FRMPD1: variants seen among roughly 807,000 people sequenced by gnomAD.
FRMPD1 encodes the protein FERM and PDZ domain containing 1.
FRMPD1 carries 76 observed loss-of-function variants against 117.8 expected under a neutral mutation model. The ratio of observed to expected loss-of-function variants is 0.65; its 90% confidence interval spans 0.54 to 0.78. The LOEUF (loss-of-function observed/expected upper bound fraction) is 0.78. Ranked by LOEUF, FRMPD1 falls within the 30% of genes least tolerant of loss-of-function variation. FRMPD1 has a pLI of 0.00. For missense variants in FRMPD1, 1,786 were observed against 1,964.5 expected, an observed-to-expected ratio of 0.91 and a Z score of 1.72; for synonymous variants, 783 against 770.4, an observed-to-expected ratio of 1.02 and a Z score of -0.27.
the FRMPD1 span, among the ~76,000 whole-genome samples, chr9:37,635,602 G>T: frequency 6.6e-6 from 1 of 152,218 alleles, no homozygotes; most frequent in Non-Finnish European, 1.5e-5. Context: ...GCAGCCCAGG[G>T]ACTTAAATAC....
intron 5 of FRMPD1, among the ~76,000 whole-genome samples, chr9:37,712,245 C>T (rs1357160995): frequency 6.6e-6 from 1 of 152,152 alleles, no homozygotes; most frequent in African/African-American, 2.4e-5. Context: ...AAAAACCATT[C>T]AGCCATTTGG....
At chr9:37,684,790 G>C (rs1166702704) in intron 1 of FRMPD1, among the ~76,000 whole-genome samples, 3 of 152,144 alleles carry the variant, frequency 2.0e-5, no homozygotes, top group South Asian at 2.1e-4. Flanking sequence ...GTCTTACTCT[G>C]TCACCCAGGC....
At chr9:37,637,220 A>T in the FRMPD1 span, 316,648 of 1,608,626 alleles carry the variant, frequency 0.2, 36,625 homozygotes, top group East Asian at 0.61. Context: ...AAACCGCAGG[A>T]GCAGGCATGA....
At chr9:37,690,054 A>C (rs1822079947) in intron 1 of FRMPD1, among the ~76,000 whole-genome samples, 1 of 152,086 alleles carries the variant, frequency 6.6e-6, no homozygotes, top group South Asian at 2.1e-4. Flanking sequence ...TAAGTTCTTC[A>C]AGAAATTTTT....
At position 37,729,820 on chromosome 9, in the gene FRMPD1, G is replaced by A. The variant is rs146537184; in HGVS notation, c.705G>A (p.Leu235=). Residue 235 remains leucine (L), a synonymous_variant, in exon 8 of 16, where the codon CTG becomes CTA. Transcript: ENST00000377765. ...AAGAGCAGTACAGCATCTCCCGGCT[G>A]CACCTGCTGCACGAAGAGGAACTCA... The part of the protein sequence containing the change: ...ALEEQYSISR[L]HLLHEEELIQ... 5.6e-5 allele frequency: 91 copies of A among 1,613,766 alleles called. No homozygotes were observed. In the African/African-American group the frequency reaches 1.0e-3, roughly 18 times the overall value.
chr9:37,659,336 G>A (rs1207709912), intron 1 of FRMPD1, among the ~76,000 whole-genome samples: 2 of 152,074 alleles, frequency 1.3e-5, no homozygotes, highest in African/African-American at 2.4e-5. Context: ...TCAGCATCCT[G>A]GCTGCTGCTC....
the FRMPD1 span, among the ~76,000 whole-genome samples, chr9:37,616,668 T>C: frequency 0.027 from 4,160 of 152,268 alleles, 90 homozygotes; most frequent in Non-Finnish European, 0.036. Flanking sequence ...AGAAGTCAGA[T>C]TTGAGGCTTA....
rs773578821 is a variant in FRMPD1 at position 37,708,410 on chromosome 9, C to A, written c.271C>A (p.His91Asn). The change falls in exon 4 of 16, where the codon CAC becomes AAC. Residue 91 changes from histidine to asparagine, a missense_variant. Physicochemically the swap from His to Asn is moderately conservative, Grantham distance 68. Transcript: ENST00000377765. ...TTTCTGTCCAACAGGAGGCTCTGCT[C>A]ACGGCAAGCTTTTCCCTGGTGATCA... Reference protein sequence around the residue: ...VVAVTAGGSAHGKLFPGDQIL... With the variant: ...VVAVTAGGSANGKLFPGDQIL... The A allele has an allele frequency of 3.1e-6, 5 of 1,609,306 alleles. No individual in the cohort carries two copies. Among genetic ancestry groups the A allele is most frequent in the Non-Finnish European group, 4.3e-6 (5 of 1,175,684 alleles).
chr9:37,631,902 G>A, the FRMPD1 span, among the ~76,000 whole-genome samples: 1 of 152,136 alleles, frequency 6.6e-6, no homozygotes, highest in Admixed American at 6.5e-5. Flanking sequence ...ACTGTGCCTG[G>A]CCTCCATGTT....
rs751367857 is a variant in FRMPD1 at position 37,745,068 on chromosome 9, C to T, written c.3036C>T (p.Ser1012=). ...CAACCATAGAGCATGGAGACAGCTC[C>T]TTCTCCCTCTCCAGTGGTGACCCTA... ...KEPTIEHGDS[S]FSLSSGDPNP... Residue 1012 remains serine, a synonymous_variant, in exon 16 of 16, where the codon TCC becomes TCT. Coordinates refer to ENST00000377765, the MANE Select transcript of FRMPD1 (RefSeq NM_014907.3). The T allele has an allele frequency of 6.2e-7, 1 of 1,614,056 alleles. No homozygotes were observed. Among genetic ancestry groups the T allele is most frequent in the South Asian group, 1.1e-5 (1 of 91,084 alleles).
chr9:37,685,524 C>T (rs866268238), intron 1 of FRMPD1, among the ~76,000 whole-genome samples: 119 of 151,670 alleles, frequency 7.8e-4, no homozygotes, highest in African/African-American at 2.3e-3. Flanking sequence ...TGGTGGCGGG[C>T]GCCTGTAGTC....
At chr9:37,675,613 G>A (rs1821502546) in intron 1 of FRMPD1, among the ~76,000 whole-genome samples, 1 of 152,110 alleles carries the variant, frequency 6.6e-6, no homozygotes, top group Non-Finnish European at 1.5e-5. Context: ...GGGGAGAGTA[G>A]GGTGTTTAAT....
Position 37,740,359 on chromosome 9 carries a change from G to A in FRMPD1, c.1831G>A (p.Ala611Thr), listed in dbSNP as rs760852978. The A allele has an allele frequency of 2.1e-5, 34 of 1,613,566 alleles. No individual in the cohort carries two copies. Among genetic ancestry groups the A allele is most frequent in the African/African-American group, 1.3e-4 (10 of 74,926 alleles). Residue 611 changes from alanine (A) to threonine (T), a missense_variant, in exon 15 of 16, where the codon GCT becomes ACT. Coordinates refer to ENST00000377765, the MANE Select transcript of FRMPD1 (RefSeq NM_014907.3). This position sits in a 1 kb window ranked among gnomAD's most constrained non-coding sequence, Gnocchi z 4.2. ...RTSGSSESMD[A>T]LEEDDLDTCS... ...CAGTGGCTCGAGTGAGTCCATGGAC[G>A]CTCTGGAAGAGGATGACTTAGACAC...
In FRMPD1 at chr9:37,731,026, A is replaced by G. The variant is rs1249914413; in HGVS notation, c.781A>G (p.Arg261Gly). Reference sequence around the variant, plus strand: ...GTCACATGACTACCGCTGCCTCTTCAGGGTCTGTTTTGTTCCCAAGGACCC... The same window carrying G: ...GTCACATGACTACCGCTGCCTCTTCGGGGTCTGTTTTGTTCCCAAGGACCC... ...EESHDYRCLFRVCFVPKDPLD... is the reference protein window; with the variant it reads ...EESHDYRCLFGVCFVPKDPLD... Residue 261 changes from arginine to glycine, a missense_variant, in exon 9 of 16, where the codon AGG becomes GGG. Physicochemically the swap from Arg to Gly is moderately radical, Grantham distance 125. Transcript: ENST00000377765. The G allele has an allele frequency of 1.2e-6, 2 of 1,613,658 alleles. No homozygotes were observed. The highest frequency in any genetic ancestry group is 1.7e-5 in the Admixed American group (1 of 60,000).
chr9:37,618,276 T>A, the FRMPD1 span, among the ~76,000 whole-genome samples: 1 of 152,128 alleles, frequency 6.6e-6, no homozygotes, highest in African/African-American at 2.4e-5. Flanking sequence ...TTTAATACAG[T>A]TCAATCTCAC....
chr9:37,712,639 A>C (rs1822952762), intron 5 of FRMPD1, among the ~76,000 whole-genome samples: 2 of 152,232 alleles, frequency 1.3e-5, no homozygotes, highest in Admixed American at 1.3e-4. Context: ...TACAGGCGTC[A>C]TCCACCATGC....
At position 37,746,284 on chromosome 9, in the gene FRMPD1, AC is replaced by A. The variant is rs747152508; in HGVS notation, c.4256del (p.Pro1419LeufsTer18). 1.9e-6 allele frequency: 3 copies of A among 1,612,580 alleles called. No homozygotes were observed. Among genetic ancestry groups the A allele is most frequent in the African/African-American group, 2.7e-5 (2 of 74,910 alleles). The part of the protein sequence containing the change: ...LRQLKATPAS[T>X]PEGFIQLMES... ...ACAGCTGAAAGCCACCCCTGCCAGC[AC>A]CCCTGAGGGCTTCATCCAACTCATG... On this transcript the variant is annotated frameshift_variant, in exon 16 of 16. Coordinates refer to ENST00000377765, the MANE Select transcript of FRMPD1 (RefSeq NM_014907.3). LOFTEE classifies it high-confidence loss of function.
At chr9:37,715,860 C>T (rs1056533396) in intron 5 of FRMPD1, among the ~76,000 whole-genome samples, 6 of 152,064 alleles carry the variant, frequency 3.9e-5, no homozygotes, top group Admixed American at 1.3e-4. Flanking sequence ...AATGTAAGAA[C>T]GGCCCTTCTT....
At chr9:37,729,890 G>T in intron 8 of FRMPD1, 37 bp downstream of exon 8, 1 of 1,602,196 alleles carries the variant, frequency 6.2e-7, no homozygotes, top group South Asian at 1.1e-5. Flanking sequence ...GGGAGGCATG[G>T]GCTGGGCTGG....
Sources: gnomAD v4.1 joint callset for allele counts (sites outside exome capture counted in the v4.1 genomes callset) on GRCh38, gnomAD v4.1.1 for gene constraint, Gnocchi (gnomAD v3.1) non-coding constraint, MANE v1.5 for transcripts, NCBI Gene and HGNC (gene_info 2026-07-23, HGNC 2026-07-21) for gene names.